The following RAPGEF6 variants were observed in gnomAD, a reference collection of about 807,000 sequenced individuals.
RAPGEF6 encodes the protein PDZ domain containing guanine nucleotide exchange factor (GEF) 2.
RAPGEF6 carries 56 observed loss-of-function variants against 171.4 expected under a neutral mutation model. That is an observed-to-expected ratio of 0.33 (90% CI 0.26 to 0.41). The LOEUF is 0.41. Among genes scored for constraint, RAPGEF6 ranks in the 10% least tolerant of loss-of-function variants. The pLI, the probability that RAPGEF6 is intolerant of heterozygous loss-of-function variation, is 1.00. For missense variants in RAPGEF6, 1,674 were observed against 1,921.4 expected (o/e 0.87, Z 2.41); for synonymous variants, 692 against 650.1 (o/e 1.06, Z -0.98).
Position 131,472,613 on chromosome 5 carries a change from C to T in RAPGEF6, c.2213G>A (p.Ser738Asn). Residue 738 changes from serine to asparagine, a missense_variant, in exon 17 of 28, where the codon AGT (serine) becomes AAT (asparagine). Physicochemically the swap from Ser to Asn is conservative, Grantham distance 46 (BLOSUM62 1). Transcript: ENST00000509018. ...TGAAGGATTGGAAAAATCCAACATA[C>T]TGGTGGTAGGCTGCAGGAGATCAGG... ...SSPDLLQPTT[S>N]MLDFSNPSDI... 1 of 1,614,064 alleles carries T rather than the reference C, an allele frequency of 6.2e-7. No homozygotes were observed. The highest frequency in any genetic ancestry group is 8.5e-7 in the Non-Finnish European group (1 of 1,179,950).
chr5:131,586,174 T>C (rs1369333053), intron 4 of RAPGEF6, among the ~76,000 whole-genome samples: 2 of 152,120 alleles, frequency 1.3e-5, no homozygotes, highest in Non-Finnish European at 2.9e-5. Context: ...CTCATGTTCA[T>C]CCAAAGACGT....
At chr5:131,548,965 G>C (rs1286549587) in intron 5 of RAPGEF6, among the ~76,000 whole-genome samples, 1 of 152,150 alleles carries the variant, frequency 6.6e-6, no homozygotes, top group Non-Finnish European at 1.5e-5. Flanking sequence ...TTAGGAGGCT[G>C]AGGTGGGAGG....
At chr5:131,587,638 G>A (rs971176294) in intron 4 of RAPGEF6, among the ~76,000 whole-genome samples, 1 of 152,178 alleles carries the variant, frequency 6.6e-6, no homozygotes, top group African/African-American at 2.4e-5. Context: ...CTTTGGCACG[G>A]TGAGTTCTTT....
chr5:131,449,407 T>C (rs939090019), intron 21 of RAPGEF6, among the ~76,000 whole-genome samples: 2 of 152,188 alleles, frequency 1.3e-5, no homozygotes, highest in Non-Finnish European at 1.5e-5. Context: ...AAAATCATCT[T>C]CTAGTTCAAT....
rs1262332454 is a variant in RAPGEF6, at chr5:131,439,689, C to T, written c.3637G>A (p.Gly1213Arg). ...LNTSLPQKVLGTTEEISGKKH... is the reference protein window; with the variant it reads ...LNTSLPQKVLRTTEEISGKKH... Reference sequence around the variant, plus strand: ...TTACCACTTATTTCTTCAGTTGTTCCTAAAACTTTCTGAGGTAAACTTGTA... The same window carrying T: ...TTACCACTTATTTCTTCAGTTGTTCTTAAAACTTTCTGAGGTAAACTTGTA... Residue 1213 changes from glycine to arginine, a missense_variant, in exon 24 of 28, where the codon GGA becomes AGA. By Grantham distance (125) the Gly-to-Arg change is moderately radical. Around this residue, in one of 3 missense-constraint regions of RAPGEF6, gnomAD observed 552 missense variants for 574.2 expected, o/e 0.96. Transcript: ENST00000509018. 1 of 1,611,476 alleles carries T rather than the reference C, an allele frequency of 6.2e-7. No individual in the cohort carries two copies. Among genetic ancestry groups the T allele is most frequent in the Admixed American group, 1.7e-5 (1 of 59,778 alleles).
chr5:131,522,662 A>T (rs191052136), intron 6 of RAPGEF6, among the ~76,000 whole-genome samples: 28 of 152,324 alleles, frequency 1.8e-4, no homozygotes, highest in Admixed American at 6.5e-4. Flanking sequence ...GTACATACAT[A>T]CATACACACA....
At chr5:131,528,239 TC>T (rs1759072211) in intron 6 of RAPGEF6, among the ~76,000 whole-genome samples, 2 of 127,892 alleles carry the variant, frequency 1.6e-5, no homozygotes, top group East Asian at 2.0e-4. Context: ...TATTTATATA[TC>T]ATATATATAA....
intron 3 of RAPGEF6, among the ~76,000 whole-genome samples, chr5:131,593,727 C>G (rs1477385410): frequency 6.6e-6 from 1 of 152,200 alleles, no homozygotes; most frequent in Non-Finnish European, 1.5e-5. Flanking sequence ...CCCTGCCCTA[C>G]AGATCTATGG....
intron 26 of RAPGEF6, 133 bp from the exon 27 acceptor site, chr5:131,429,349 A>G: frequency 1.3e-6 from 1 of 771,218 alleles, no homozygotes; most frequent in Non-Finnish European, 2.0e-6. Context: ...GAATGATGGC[A>G]GATCAAAAAC....
chr5:131,546,015 C>A (rs1760502512), intron 6 of RAPGEF6, among the ~76,000 whole-genome samples: 1 of 152,112 alleles, frequency 6.6e-6, no homozygotes, highest in Non-Finnish European at 1.5e-5. Flanking sequence ...TAGAAGATGA[C>A]AACTCTCAGT....
intron 24 of RAPGEF6, chr5:131,436,029 A>G: frequency 6.5e-7 from 1 of 1,537,162 alleles, no homozygotes; most frequent in Non-Finnish European, 8.7e-7. Flanking sequence ...GGCTATTTGA[A>G]TTGAAGATGG....
At chr5:131,562,191 T>G in intron 4 of RAPGEF6, 144 bp from the exon 5 acceptor site, 1 of 566,938 alleles carries the variant, frequency 1.8e-6, no homozygotes, top group Middle Eastern at 4.6e-4. Flanking sequence ...ATGTTAAGAT[T>G]TTCTAAAAAA....
At chr5:131,430,350 T>G (rs1202315851) in intron 26 of RAPGEF6, among the ~76,000 whole-genome samples, 1 of 152,132 alleles carries the variant, frequency 6.6e-6, no homozygotes. Context: ...AAGCTTGGAA[T>G]GGAATTCACA....
chr5:131,469,856 C>G, intron 17 of RAPGEF6: 1 of 1,487,344 alleles, frequency 6.7e-7, no homozygotes, highest in Non-Finnish European at 9.0e-7. Flanking sequence ...AGTAAGCAAT[C>G]AAAAACAAAC....
chr5:131,556,564 T>C (rs1182673750), intron 5 of RAPGEF6, among the ~76,000 whole-genome samples: 1 of 152,226 alleles, frequency 6.6e-6, no homozygotes, highest in Non-Finnish European at 1.5e-5. Flanking sequence ...CATGGAATTA[T>C]ACCAAAATTT....
chr5:131,478,320 T>C (rs1366070523), intron 16 of RAPGEF6, among the ~76,000 whole-genome samples: 4 of 152,174 alleles, frequency 2.6e-5, no homozygotes, highest in African/African-American at 9.7e-5. Flanking sequence ...GCCTCCCAAT[T>C]GTTCTCTCTG....
chr5:131,632,149 C>G (rs1186542758), intron 1 of RAPGEF6, among the ~76,000 whole-genome samples: 1 of 151,964 alleles, frequency 6.6e-6, no homozygotes, highest in Non-Finnish European at 1.5e-5. Flanking sequence ...AGTGCTCCCC[C>G]TCACTGAAAA....
rs922467053 is a variant in RAPGEF6 at position 131,424,215 on chromosome 5, A to C, written c.*3051T>G. On this transcript the variant is annotated 3_prime_UTR_variant, in exon 28 of 28. Transcript: ENST00000509018. ...TTCTGTCTTTTGCTGATTAGCTTAC[A>C]TGTCTCAATTTTAAAAGATCAAGTT... 7 of 152,342 alleles carry C rather than the reference A, an allele frequency of 4.6e-5. No individual in the cohort carries two copies. Among genetic ancestry groups the C allele is most frequent in the African/African-American group, 1.7e-4 (7 of 41,466 alleles). 9.4% of individuals were successfully genotyped at this position (152,342 alleles called of 1,614,324 possible).
At chr5:131,461,118 G>A (rs535280726) in intron 19 of RAPGEF6, among the ~76,000 whole-genome samples, 2 of 152,050 alleles carry the variant, frequency 1.3e-5, no homozygotes, top group African/African-American at 2.4e-5. Context: ...GAGAGCTCAC[G>A]TAATTATCTA....
Sources: allele counts gnomAD v4.1 joint callset (sites outside exome capture counted in the v4.1 genomes callset), GRCh38; gene constraint gnomAD v4.1.1; regional missense constraint gnomAD v4.1.1; transcripts MANE v1.5; gene names NCBI Gene and HGNC (gene_info 2026-07-23, HGNC 2026-07-21).